Variants in LEMD3 observed in about 807,000 individuals in gnomAD.
LEMD3 encodes the protein inner nuclear membrane protein Man1.
In LEMD3, 33 loss-of-function variants were observed where a neutral mutation model predicts 95.2. The ratio of observed to expected loss-of-function variants is 0.35; its 90% CI spans 0.26 to 0.46. The LOEUF (loss-of-function observed/expected upper bound fraction) is 0.46, where lower values mean the gene tolerates loss of function less well. Among genes scored for constraint, LEMD3 ranks in the 20% least tolerant of loss-of-function variants. The pLI is 1.00. For synonymous variants in LEMD3, 525 were observed against 474.6 expected, an observed-to-expected ratio of 1.11 and a Z score of -1.38; for missense variants, 1,210 against 1,192.8, an observed-to-expected ratio of 1.01 and a Z score of -0.21.
At chr12:65,210,814 C>T (rs1286771751) in intron 1 of LEMD3, 112 bp from the exon 2 acceptor site, 6 of 842,478 alleles carry the variant, frequency 7.1e-6, no homozygotes, top group Non-Finnish European at 1.3e-5. Flanking sequence ...ATTTGGTTCA[C>T]ATATTTATAT....
intron 12 of LEMD3, 30 bp downstream of exon 12, chr12:65,245,969 G>C: frequency 6.6e-7 from 1 of 1,518,672 alleles, no homozygotes; most frequent in Non-Finnish European, 9.1e-7. Context: ...CAAACATTTT[G>C]AAAAGATAGT....
intron 1 of LEMD3, among the ~76,000 whole-genome samples, chr12:65,173,575 T>G (rs1391895344): frequency 1.3e-5 from 2 of 152,198 alleles, no homozygotes; most frequent in Non-Finnish European, 2.9e-5. Flanking sequence ...ATCTGCTGTC[T>G]CTGGGTTTGT....
chr12:65,243,175 A>G (rs906103322), intron 9 of LEMD3, among the ~76,000 whole-genome samples: 5 of 152,028 alleles, frequency 3.3e-5, no homozygotes, highest in African/African-American at 1.2e-4. Flanking sequence ...TCACAGTTGT[A>G]CTTTCTTACA....
At chr12:65,209,773 T>C (rs1869882833) in intron 1 of LEMD3, among the ~76,000 whole-genome samples, 1 of 152,084 alleles carries the variant, frequency 6.6e-6, no homozygotes, top group South Asian at 2.1e-4. Context: ...TGCTCTTTTA[T>C]TGTACCTTGT....
intron 1 of LEMD3, among the ~76,000 whole-genome samples, chr12:65,175,113 T>C (rs959183766): frequency 6.6e-6 from 1 of 152,136 alleles, no homozygotes; most frequent in Non-Finnish European, 1.5e-5. Flanking sequence ...GAAAATGGCA[T>C]ACCATGAAGT....
chr12:65,218,586 G>A lies in LEMD3; in HGVS notation c.1662G>A (p.Thr554=), dbSNP rs1263905486. 1.1e-5 allele frequency: 17 copies of A among 1,606,388 alleles called. No individual in the cohort carries two copies. Among genetic ancestry groups the A allele is most frequent in the Middle Eastern group, 1.9e-4 (1 of 5,166 alleles). ...DHECGSSSQR[T]LSVQEAAAYL... is the part of the protein sequence containing the mutation. ...AATGTGGCAGTTCTAGTCAAAGAACGCTTTCTGTTCAAGAGGCAGCTGCGT... is the reference window on the plus strand; with the variant it reads ...AATGTGGCAGTTCTAGTCAAAGAACACTTTCTGTTCAAGAGGCAGCTGCGT... Residue 554 remains threonine (T), a synonymous_variant, in exon 4 of 13, where the codon ACG becomes ACA. Coordinates refer to ENST00000308330, the MANE Select transcript of LEMD3 (RefSeq NM_014319.5).
chr12:65,184,899 GT>G (rs1869012230), intron 1 of LEMD3, among the ~76,000 whole-genome samples: 1 of 152,018 alleles, frequency 6.6e-6, no homozygotes, highest in African/African-American at 2.4e-5. Flanking sequence ...TGGACATACT[GT>G]TTTCCTTTTT....
In LEMD3 at chr12:65,246,480, A is replaced by G; in HGVS notation, c.*155A>G. 1 of 678,766 alleles carries G rather than the reference A, an allele frequency of 1.5e-6. No individual in the cohort carries two copies. The allele number at this position is 678,766 out of a possible 1,614,324, so 42.0% of individuals were successfully genotyped here. ...AAGTCTTAAGGTTCCAAAGGGATTT[A>G]GCAGTGAGGCAGCAATGCTGAGTAG... On this transcript the variant is annotated 3_prime_UTR_variant, in exon 13 of 13. Coordinates refer to ENST00000308330, the MANE Select transcript of LEMD3 (RefSeq NM_014319.5).
At chr12:65,242,649 A>G (rs749267464) in intron 9 of LEMD3, among the ~76,000 whole-genome samples, 1 of 152,142 alleles carries the variant, frequency 6.6e-6, no homozygotes, top group Non-Finnish European at 1.5e-5. Context: ...TCCTGATTCT[A>G]TCCGCTTGTC....
intron 1 of LEMD3, among the ~76,000 whole-genome samples, chr12:65,197,921 C>T (rs1200751705): frequency 6.6e-6 from 1 of 152,050 alleles, no homozygotes; most frequent in African/African-American, 2.4e-5. Context: ...TTTTATGCCA[C>T]TCAAAACTAA....
chr12:65,222,013 G>T (rs1319942340), intron 4 of LEMD3, among the ~76,000 whole-genome samples: 1 of 152,070 alleles, frequency 6.6e-6, no homozygotes, highest in East Asian at 1.9e-4. Flanking sequence ...AAAGTGCTGG[G>T]ATTATAAGTG....
Position 65,246,488 on chromosome 12 carries a change from G to A in LEMD3, c.*163G>A. Reference sequence around the variant, plus strand: ...AGGTTCCAAAGGGATTTAGCAGTGAGGCAGCAATGCTGAGTAGGTAGGATA... The same window carrying A: ...AGGTTCCAAAGGGATTTAGCAGTGAAGCAGCAATGCTGAGTAGGTAGGATA... On this transcript the variant is annotated 3_prime_UTR_variant, in exon 13 of 13. Transcript: ENST00000308330. The A allele has an allele frequency of 1.5e-6, 1 of 656,680 alleles. No individual in the cohort carries two copies. The highest frequency in any genetic ancestry group is 2.4e-5 in the Admixed American group (1 of 41,260). 40.7% of individuals were successfully genotyped at this position (656,680 alleles called of 1,614,324 possible). A position where few individuals can be genotyped will look rare whatever the true frequency, so the allele number is the denominator to read the frequency against.
Position 65,181,030 on chromosome 12 carries a change from T to C in LEMD3, c.1522+9912T>C, listed in dbSNP as rs566472636. Reference sequence around the variant, plus strand: ...CACACAATTTTCTGACTATGGCTAATTCCTGAAAGCATGCTGTACTTACAA... The same window carrying C: ...CACACAATTTTCTGACTATGGCTAACTCCTGAAAGCATGCTGTACTTACAA... On this transcript the variant is annotated intron_variant, in intron 1 of 12. Transcript: ENST00000308330. Among the ~76,000 whole-genome samples the C allele has an allele frequency of 4.9e-4, 70 of 143,738 alleles. 1 individual carries two copies. Among genetic ancestry groups the C allele is most frequent in the African/African-American group, 2.0e-3 (67 of 33,448 alleles). 94.3% of individuals were successfully genotyped at this position (143,738 alleles called of 152,430 possible). A position where few individuals can be genotyped will look rare whatever the true frequency, so the allele number is the denominator to read the frequency against.
intron 1 of LEMD3, among the ~76,000 whole-genome samples, chr12:65,193,775 T>TGTGTGTGTGTGTGTG (rs61507306): frequency 2.9e-4 from 42 of 145,098 alleles, no homozygotes; most frequent in African/African-American, 5.0e-4. Context: ...TGTGTGTGTG[T>TGTGTGTGTGTGTGTG]TGGGGGAGGG....
In LEMD3 at chr12:65,238,778, G is replaced by T; in HGVS notation, c.1885G>T (p.Val629Phe). ...SFWCRFRRAF[V>F]TVTHRLLLLC... ...TTGGTGTCGTTTTCGACGTGCTTTT[G>T]TTACTGTAACTCACAGATTATTGTT... The change falls in exon 6 of 13, where the codon GTT becomes TTT. Residue 629 changes from valine to phenylalanine, a missense_variant. Val to Phe is a conservative substitution (Grantham distance 50). Transcript: ENST00000308330. 1 of 1,614,044 alleles carries T rather than the reference G, an allele frequency of 6.2e-7. No individual in the cohort carries two copies. The highest frequency in any genetic ancestry group is 8.5e-7 in the Non-Finnish European group (1 of 1,179,952).
At chr12:65,181,886 C>T (rs575735840) in intron 1 of LEMD3, among the ~76,000 whole-genome samples, 3 of 151,124 alleles carry the variant, frequency 2.0e-5, no homozygotes, top group East Asian at 1.9e-4. Context: ...ATCCTTTTGA[C>T]AGAAGTGTTT....
chr12:65,201,949 G>A (rs11504193), intron 1 of LEMD3, among the ~76,000 whole-genome samples: 4,568 of 151,024 alleles, frequency 0.03, 229 homozygotes, highest in African/African-American at 0.11. Flanking sequence ...TTAAGTTGAG[G>A]AAATTCCCTT....
At chr12:65,244,729 C>T (rs1871044829) in intron 10 of LEMD3, among the ~76,000 whole-genome samples, 1 of 152,116 alleles carries the variant, frequency 6.6e-6, no homozygotes, top group Non-Finnish European at 1.5e-5. Flanking sequence ...GGGTGGATCA[C>T]TTGAACTCAG....
At chr12:65,174,889 G>C (rs1343603596) in intron 1 of LEMD3, among the ~76,000 whole-genome samples, 2 of 152,138 alleles carry the variant, frequency 1.3e-5, no homozygotes, top group African/African-American at 2.4e-5. Flanking sequence ...CTGAGGTGAA[G>C]AGATATGCAA....
Sources: gnomAD v4.1 joint callset for allele counts (sites outside exome capture counted in the v4.1 genomes callset) on GRCh38, gnomAD v4.1.1 for gene constraint, MANE v1.5 for transcripts, NCBI Gene and HGNC (gene_info 2026-07-23, HGNC 2026-07-21) for gene names.